Variants in ZNF496 observed in about 807,000 individuals in gnomAD.
ZNF496 encodes the protein zinc finger protein 496, also known as NSD1 (nuclear receptor binding SET-domain containing 1)-interacting zinc finger protein 1.
A neutral mutation model predicts 58.9 loss-of-function variants in ZNF496; 11 were observed. The ratio of observed to expected loss-of-function variants is 0.19; its 90% confidence interval spans 0.12 to 0.31. The LOEUF is 0.31. ZNF496 is among the 10% of genes least tolerant of loss of function. The pLI, the probability that ZNF496 is intolerant of heterozygous loss-of-function variation, is 1.00. For synonymous variants in ZNF496, 338 were observed against 318.2 expected, an observed-to-expected ratio of 1.06 and a Z score of -0.66; for missense variants, 660 against 783.0, an observed-to-expected ratio of 0.84 and a Z score of 1.88.
At position 247,314,337 on chromosome 1, in the gene ZNF496, A is replaced by G. The variant is rs533854328; in HGVS notation, c.652-3881T>C. On this transcript the variant is annotated intron_variant, in intron 6 of 9. Transcript: ENST00000682384. ...CTCCCATAGGGCTGGGATTACCAGT[A>G]TGAGCCATGGTGCCTGGCCTAATTT... Among the ~76,000 whole-genome samples, 7 of 148,540 alleles carry G rather than the reference A, an allele frequency of 4.7e-5. No individual in the cohort carries two copies. In the South Asian group the frequency reaches 1.2e-3, roughly 26 times the overall value.
At position 247,329,410 on chromosome 1, in the gene ZNF496, G is replaced by C; in HGVS notation, c.169C>G (p.Arg57Gly). 1 of 1,613,022 alleles carries C rather than the reference G, an allele frequency of 6.2e-7. No homozygotes were observed. The highest frequency in any genetic ancestry group is 8.5e-7 in the Non-Finnish European group (1 of 1,179,674). The change falls in exon 4 of 10, where the codon CGG becomes GGG. Residue 57 changes from arginine (R) to glycine (G), a missense_variant. By Grantham distance (125) the Arg-to-Gly change is moderately radical. Transcript: ENST00000682384. The surrounding 1 kb of genome is among the most constrained non-coding windows in gnomAD (Gnocchi z 5.5). ...TCCCAGAGGCGCTGCAGGGCCTCCC[G>C]GGGGCCCGCCGCCTCCTGGTAGCGG... is the stretch of plus-strand genomic sequence containing the variant. The part of the protein sequence containing the change: ...RFRYQEAAGP[R>G]EALQRLWDLC...
rs149978463 is a variant in ZNF496, at chr1:247,315,156, TA to T, written c.652-4701del. Among the ~76,000 whole-genome samples, 732 of 133,998 alleles carry T rather than the reference TA, an allele frequency of 5.5e-3. 4 individuals are homozygous for T. The highest frequency in any genetic ancestry group is 0.017 in the African/African-American group (595 of 35,930). 87.9% of individuals were successfully genotyped at this position (133,998 alleles called of 152,430 possible). A position where few individuals can be genotyped will look rare whatever the true frequency, so the allele number is the denominator to read the frequency against. The stretch of plus-strand genomic sequence containing the variant: ...TGGTGAAAAGTAAAAGATGTTAATA[TA>T]AAAAAAAAACACCTATGGAATAATT... On this transcript the variant is annotated intron_variant, in intron 6 of 9. Transcript: ENST00000682384.
intron 7 of ZNF496, chr1:247,310,049 G>T (rs928496376): frequency 2.1e-6 from 3 of 1,427,462 alleles, no homozygotes; most frequent in Non-Finnish European, 9.1e-7. Flanking sequence ...GGACAAAACG[G>T]TAAGAACGAT....
chr1:247,306,389 G>T (rs913517172), intron 9 of ZNF496, among the ~76,000 whole-genome samples: 2 of 152,018 alleles, frequency 1.3e-5, no homozygotes, highest in Non-Finnish European at 2.9e-5. Context: ...GTGGAGATGG[G>T]GTTTCGCCAT....
In ZNF496 at chr1:247,308,314, G is replaced by A. The variant is rs573264821; in HGVS notation, c.1006+161C>T. Among the ~76,000 whole-genome samples, 1 of 152,196 alleles carries A rather than the reference G, an allele frequency of 6.6e-6. No homozygotes were observed. Among genetic ancestry groups the A allele is most frequent in the South Asian group, 2.1e-4 (1 of 4,816 alleles). On this transcript the variant is annotated intron_variant, in intron 9 of 9. Coordinates refer to ENST00000682384, the MANE Select transcript of ZNF496 (RefSeq NM_032752.3). The surrounding 1 kb of genome is among the most constrained non-coding windows in gnomAD (Gnocchi z 4.5). ...CCAACACACAGGTGCACCCATGAAT[G>A]CACACACTCACACATGCAGCACACC...
At chr1:247,319,419 A>G (rs967805255) in intron 6 of ZNF496, among the ~76,000 whole-genome samples, 2 of 152,222 alleles carry the variant, frequency 1.3e-5, no homozygotes, top group Admixed American at 1.3e-4. Flanking sequence ...ACTCAACACC[A>G]CACTAGGTAA....
chr1:247,317,833 A>G (rs1659834772), intron 6 of ZNF496, among the ~76,000 whole-genome samples: 1 of 152,174 alleles, frequency 6.6e-6, no homozygotes, highest in Admixed American at 6.5e-5. Context: ...CAGGCAGAAA[A>G]TCACTCACTA....
rs994557856 is a variant in ZNF496 at position 247,312,143 on chromosome 1, T to C, written c.652-1687A>G. The C allele has an allele frequency of 2.0e-5, 3 of 152,170 alleles. No individual in the cohort carries two copies. In the East Asian group the frequency reaches 5.8e-4, roughly 29 times the overall value. 9.4% of individuals were successfully genotyped at this position (152,170 alleles called of 1,614,324 possible). A position where few individuals can be genotyped will look rare whatever the true frequency, so the allele number is the denominator to read the frequency against. ...GTTCTGCTTCCCTTTTAAGTAACAA[T>C]CCCATCTTTAAATCACTTCTCTCTT... On this transcript the variant is annotated intron_variant, in intron 6 of 9. Coordinates refer to ENST00000682384, the MANE Select transcript of ZNF496 (RefSeq NM_032752.3).
intron 5 of ZNF496, among the ~76,000 whole-genome samples, chr1:247,327,766 A>G (rs915014969): frequency 8.9e-5 from 7 of 78,706 alleles, no homozygotes; most frequent in African/African-American, 3.0e-4. Flanking sequence ...TTTCCATTGT[A>G]CCTATAGAGC....
chr1:247,307,038 T>C (rs1558437571), intron 9 of ZNF496: 3 of 947,962 alleles, frequency 3.2e-6, no homozygotes, highest in Non-Finnish European at 3.8e-6. Flanking sequence ...TAAGGATAAA[T>C]GAATACTAAC....
intron 9 of ZNF496, among the ~76,000 whole-genome samples, chr1:247,303,179 C>G (rs1266167547): frequency 6.6e-6 from 1 of 152,148 alleles, no homozygotes; most frequent in Non-Finnish European, 1.5e-5. Flanking sequence ...GAGGAGGAGA[C>G]TGGAGGCAGA....
chr1:247,329,130 C>G lies in ZNF496; in HGVS notation c.390+59G>C, dbSNP rs1660234288. ...TTCCCCAGCCAGCACATGCATGGCCCAGCCAAAGTGTCTAAGTACCAGATC... is the reference window on the plus strand; with the variant it reads ...TTCCCCAGCCAGCACATGCATGGCCGAGCCAAAGTGTCTAAGTACCAGATC... On this transcript the variant is annotated intron_variant, in intron 4 of 9. Transcript: ENST00000682384. This position sits in a 1 kb window ranked among gnomAD's most constrained non-coding sequence, Gnocchi z 5.5. 1.2e-6 allele frequency: 2 copies of G among 1,610,760 alleles called. No homozygotes were observed.
intron 6 of ZNF496, among the ~76,000 whole-genome samples, chr1:247,314,813 C>A (rs921466121): frequency 6.6e-6 from 1 of 152,132 alleles, no homozygotes; most frequent in African/African-American, 2.4e-5. Flanking sequence ...GTGGTGCAAT[C>A]TTGGCTCACG....
At position 247,301,005 on chromosome 1, in the gene ZNF496, C is replaced by G. The variant is rs1386759444; in HGVS notation, c.1278G>C (p.Arg426=). ...GCGGCTTCTCCTGCTCCCTGCGGCT[C>G]CGCAGATGCCGGATGAAGTTGACCC... ...RWRVNFIRHL[R]SRREQEKPHE... is the part of the protein sequence containing the mutation. The change falls in exon 10 of 10, where the codon CGG becomes CGC. Residue 426 remains arginine, a synonymous_variant. Transcript: ENST00000682384. 6.2e-7 allele frequency: 1 copy of G among 1,613,780 alleles called. No homozygotes were observed. Among genetic ancestry groups the G allele is most frequent in the Admixed American group, 1.7e-5 (1 of 60,034 alleles).
chr1:247,319,662 C>T (rs891081162), intron 6 of ZNF496, among the ~76,000 whole-genome samples: 4 of 152,144 alleles, frequency 2.6e-5, no homozygotes, highest in African/African-American at 9.7e-5. Context: ...GTGGCTCACA[C>T]CGGTAATCCC....
At chr1:247,315,298 T>C (rs1316015383) in intron 6 of ZNF496, among the ~76,000 whole-genome samples, 1 of 152,024 alleles carries the variant, frequency 6.6e-6, no homozygotes, top group Non-Finnish European at 1.5e-5. Context: ...CCAGTGTGGT[T>C]CTCCTGCAAA....
rs1660017520 is a variant in ZNF496, at chr1:247,323,239, G to A, written c.575-9C>T. ...GAAAGCATCTTGCAGAACTGAAAGA[G>A]ATCAGAAAATGGTGTCCTAAAGTGG... is the stretch of plus-strand genomic sequence containing the variant. On this transcript the variant is annotated splice_polypyrimidine_tract_variant and intron_variant, in intron 5 of 9. Transcript: ENST00000682384. 3.1e-6 allele frequency: 5 copies of A among 1,612,780 alleles called. No individual in the cohort carries two copies. Among genetic ancestry groups the A allele is most frequent in the Admixed American group, 1.7e-5 (1 of 59,966 alleles).
intron 6 of ZNF496, among the ~76,000 whole-genome samples, chr1:247,314,224 A>G (rs924232089): frequency 5.3e-5 from 8 of 151,802 alleles, no homozygotes; most frequent in Admixed American, 4.6e-4. Flanking sequence ...ACGCCTGGCT[A>G]ATTTTTTATT....
At position 247,328,790 on chromosome 1, in the gene ZNF496, A is replaced by T; in HGVS notation, c.467T>A (p.Val156Glu). The change falls in exon 5 of 10, where the codon GTA (valine) becomes GAA (glutamate). Residue 156 changes from valine (V) to glutamate (E), a missense_variant. By Grantham distance (121) the Val-to-Glu change is moderately radical. Coordinates refer to ENST00000682384, the MANE Select transcript of ZNF496 (RefSeq NM_032752.3). ...CTTTGCAAGGTCGCTGTGGGGCTCT[A>T]CCGGCAGCTGCTCCTGCTCCTGGTC... ...PLDQEQEQLP[V>E]EPHSDLAKNQ... The T allele has an allele frequency of 6.2e-7, 1 of 1,613,700 alleles. No homozygotes were observed. The highest frequency in any genetic ancestry group is 8.5e-7 in the Non-Finnish European group (1 of 1,179,868).
Sources: allele counts gnomAD v4.1 joint callset (sites outside exome capture counted in the v4.1 genomes callset), GRCh38; gene constraint gnomAD v4.1.1; non-coding constraint Gnocchi (gnomAD v3.1); transcripts MANE v1.5; gene names NCBI Gene and HGNC (gene_info 2026-07-23, HGNC 2026-07-21).